The following GRM3 variants were observed in gnomAD, a reference collection of about 807,000 sequenced individuals.
The protein encoded by GRM3 is metabotropic glutamate receptor 3.
Under a neutral mutation model 70.5 loss-of-function variants are expected in GRM3, and 26 were observed. That is an observed-to-expected ratio of 0.37 (90% CI 0.27 to 0.51). GRM3 has a LOEUF of 0.51. Ranked by LOEUF, GRM3 falls within the 20% of genes least tolerant of loss-of-function variation. GRM3 has a pLI of 0.93. For missense variants in GRM3, 859 were observed against 1,123.8 expected, an observed-to-expected ratio of 0.76 and a Z score of 3.37; for synonymous variants, 443 against 434.9, an observed-to-expected ratio of 1.02 and a Z score of -0.23.
rs1274014730 is a variant in GRM3 at position 86,644,822 on chromosome 7, C to T, written c.-191C>T. ...GAGCCCGGGTGCAGGCTCACCGCCGCCGCTGCCACCGCGGTCAGCTCCAGT... is the reference window on the plus strand; with the variant it reads ...GAGCCCGGGTGCAGGCTCACCGCCGTCGCTGCCACCGCGGTCAGCTCCAGT... On this transcript the variant is annotated 5_prime_UTR_variant, in exon 1 of 6. Transcript: ENST00000361669. The T allele has an allele frequency of 7.8e-7, 1 of 1,289,784 alleles. No homozygotes were observed. Among genetic ancestry groups the T allele is most frequent in the Admixed American group, 2.3e-5 (1 of 43,574 alleles). The allele number at this position is 1,289,784 out of a possible 1,614,324, so 79.9% of individuals were successfully genotyped here. A position where few individuals can be genotyped will look rare whatever the true frequency, so the allele number is the denominator to read the frequency against.
In GRM3 at chr7:86,765,633, T is replaced by G; in HGVS notation, c.468+20T>G. 2 of 1,599,142 alleles carry G rather than the reference T, an allele frequency of 1.3e-6. No individual in the cohort carries two copies. The highest frequency in any genetic ancestry group is 1.7e-6 in the Non-Finnish European group (2 of 1,168,822). ...ATACAGGTAAGATTGGCTAATGCTATTGCTAAAAGGCTGTATCTCTTTGCT... is the reference window on the plus strand; with the variant it reads ...ATACAGGTAAGATTGGCTAATGCTAGTGCTAAAAGGCTGTATCTCTTTGCT... On this transcript the variant is annotated intron_variant, in intron 2 of 5. Transcript: ENST00000361669.
At chr7:86,651,908 A>G (rs1194981525) in intron 1 of GRM3, among the ~76,000 whole-genome samples, 4 of 152,232 alleles carry the variant, frequency 2.6e-5, no homozygotes, top group African/African-American at 9.6e-5. Context: ...AAACTGAAGT[A>G]TTTCATCCAA....
chr7:86,771,282 T>G (rs1046525538), intron 2 of GRM3, among the ~76,000 whole-genome samples: 1 of 152,094 alleles, frequency 6.6e-6, no homozygotes, highest in Admixed American at 6.6e-5. Flanking sequence ...ACTCTACTAT[T>G]AGGGTTTAAG....
chr7:86,662,352 T>C (rs571788822), intron 1 of GRM3, among the ~76,000 whole-genome samples: 1 of 151,956 alleles, frequency 6.6e-6, no homozygotes, highest in South Asian at 2.1e-4. Flanking sequence ...TAACAGTGCC[T>C]TAAAAATAAT....
At chr7:86,824,144 T>C (rs1351313632) in intron 3 of GRM3, among the ~76,000 whole-genome samples, 2 of 152,178 alleles carry the variant, frequency 1.3e-5, no homozygotes, top group African/African-American at 4.8e-5. Context: ...TTTTAATAGC[T>C]ATGATTCTGC....
At chr7:86,821,063 G>A (rs142837547) in intron 3 of GRM3, among the ~76,000 whole-genome samples, 15 of 152,206 alleles carry the variant, frequency 9.9e-5, no homozygotes, top group Middle Eastern at 6.8e-3. Context: ...TAATAGTCAC[G>A]CAAAACTTGG....
chr7:86,754,021 G>C (rs373185943), intron 1 of GRM3, among the ~76,000 whole-genome samples: 3 of 152,056 alleles, frequency 2.0e-5, no homozygotes, highest in East Asian at 3.9e-4. Flanking sequence ...TTCCAGCTAA[G>C]CAGAACTGAA....
At chr7:86,726,514 T>C (rs1448685746) in intron 1 of GRM3, among the ~76,000 whole-genome samples, 1 of 152,202 alleles carries the variant, frequency 6.6e-6, no homozygotes, top group African/African-American at 2.4e-5. Context: ...CTTTGTGTTC[T>C]CATACAACTT....
chr7:86,844,829 A>G (rs1798624524), intron 4 of GRM3, among the ~76,000 whole-genome samples: 1 of 152,160 alleles, frequency 6.6e-6, no homozygotes, highest in Non-Finnish European at 1.5e-5. Context: ...AAAGAACTTT[A>G]TTACTCATAG....
intron 1 of GRM3, among the ~76,000 whole-genome samples, chr7:86,677,231 C>T (rs984902441): frequency 6.6e-6 from 1 of 151,982 alleles, no homozygotes; most frequent in Admixed American, 6.6e-5. Flanking sequence ...GAACAAGATT[C>T]CTAGCTTAAG....
In GRM3 at chr7:86,765,576, G is replaced by C. The variant is rs780056345; in HGVS notation, c.431G>C (p.Gly144Ala). The part of the protein sequence containing the change: ...IQENIPLLIA[G>A]VIGGSYSSVS... ...GAAAACATCCCACTTCTCATTGCAG[G>C]GGTCATTGGTGGCTCTTATAGCAGT... The change falls in exon 2 of 6, where the codon GGG becomes GCG. Residue 144 changes from glycine to alanine, a missense_variant. Coordinates refer to ENST00000361669, the MANE Select transcript of GRM3 (RefSeq NM_000840.3). 6.2e-7 allele frequency: 1 copy of C among 1,613,416 alleles called. No homozygotes were observed. The highest frequency in any genetic ancestry group is 1.1e-5 in the South Asian group (1 of 91,054).
At chr7:86,781,066 T>A (rs1345046605) in intron 2 of GRM3, among the ~76,000 whole-genome samples, 1 of 152,184 alleles carries the variant, frequency 6.6e-6, no homozygotes, top group Non-Finnish European at 1.5e-5. Context: ...AAGATCTCTA[T>A]GCACTCTTTA....
In GRM3 at chr7:86,774,491, G is replaced by A. The variant is rs149373414; in HGVS notation, c.468+8878G>A. Among the ~76,000 whole-genome samples the A allele has an allele frequency of 5.2e-3, 790 of 152,126 alleles. 4 individuals are homozygous for A. The highest frequency in any genetic ancestry group is 0.018 in the African/African-American group (752 of 41,500). On this transcript the variant is annotated intron_variant, in intron 2 of 5. Transcript: ENST00000361669. ...TATTGTGGAAATCCCTTTGTTACTA[G>A]TAACAAAGTTTTGATTCTTGCCAAC...
At chr7:86,670,039 T>C (rs1262784831) in intron 1 of GRM3, among the ~76,000 whole-genome samples, 1 of 152,184 alleles carries the variant, frequency 6.6e-6, no homozygotes, top group Non-Finnish European at 1.5e-5. Flanking sequence ...TCAAAGCATC[T>C]TCTAAAGCAC....
intron 1 of GRM3, among the ~76,000 whole-genome samples, chr7:86,742,513 A>C (rs1796012169): frequency 6.6e-6 from 1 of 152,164 alleles, no homozygotes. Context: ...ATATTTCTGG[A>C]AAATACAATC....
intron 2 of GRM3, among the ~76,000 whole-genome samples, chr7:86,774,165 C>T (rs1005308116): frequency 1.3e-5 from 2 of 151,974 alleles, no homozygotes; most frequent in African/African-American, 4.8e-5. Flanking sequence ...AAATATGTGC[C>T]TTTTTCATGG....
In GRM3 at chr7:86,706,509, A is replaced by G. The variant is rs910790267; in HGVS notation, c.-140-58497A>G. ...GTTGGTGTTAGTCAAAGCAGGCTTT[A>G]TGAAAGGCTTTGTGGTGGGCAGTAT... is the stretch of plus-strand genomic sequence containing the variant. On this transcript the variant is annotated intron_variant, in intron 1 of 5. Transcript: ENST00000361669. Among the ~76,000 whole-genome samples, 3 of 152,066 alleles carry G rather than the reference A, an allele frequency of 2.0e-5. No homozygotes were observed. The East Asian group carries it at 5.8e-4, about 29-fold the overall frequency.
At chr7:86,682,186 G>A (rs1392000017) in intron 1 of GRM3, among the ~76,000 whole-genome samples, 1 of 152,140 alleles carries the variant, frequency 6.6e-6, no homozygotes, top group Non-Finnish European at 1.5e-5. Flanking sequence ...GTTTTTCACA[G>A]TACAACTTAG....
intron 5 of GRM3, among the ~76,000 whole-genome samples, chr7:86,854,187 G>A (rs10269943): frequency 0.08 from 12,221 of 152,076 alleles, 503 homozygotes; most frequent in Middle Eastern, 0.11. Context: ...ACACAATCTC[G>A]TATAATACCA....
Sources: allele counts gnomAD v4.1 joint callset (sites outside exome capture counted in the v4.1 genomes callset), GRCh38; gene constraint gnomAD v4.1.1; transcripts MANE v1.5; gene names NCBI Gene and HGNC (gene_info 2026-07-23, HGNC 2026-07-21).